The following ANK3 variants were observed in gnomAD, a reference collection of about 807,000 sequenced individuals.
ANK3 encodes ankyrin-3.
In ANK3, 57 loss-of-function variants were observed where a neutral mutation model predicts 370.9. The ratio of observed to expected loss-of-function variants is 0.15; its 90% CI spans 0.12 to 0.19. ANK3 has a LOEUF of 0.19. ANK3 is among the 10% of genes least tolerant of loss of function. The probability of loss-of-function intolerance (pLI) is 1.00; values close to 1 mark genes in which losing one functional copy is unlikely to be tolerated. For missense variants in ANK3, 4,439 were observed against 5,302.1 expected (o/e 0.84, Z 5.06); for synonymous variants, 1,929 against 1,946.3 (o/e 0.99, Z 0.23).
intron 23 of ANK3, among the ~76,000 whole-genome samples, chr10:60,149,062 C>A (rs991192634): frequency 6.6e-6 from 1 of 152,218 alleles, no homozygotes; most frequent in African/African-American, 2.4e-5. Flanking sequence ...CCTTTTCTTT[C>A]CCTTACACCC....
At chr10:60,462,047 A>G (rs1189052649) in intron 2 of ANK3, among the ~76,000 whole-genome samples, 1 of 152,178 alleles carries the variant, frequency 6.6e-6, no homozygotes, top group Non-Finnish European at 1.5e-5. Context: ...AAACTAGAAC[A>G]AAGAAGAGAT....
upstream of ANK3, among the ~76,000 whole-genome samples, chr10:60,390,260 C>T (rs977809658): frequency 6.6e-6 from 1 of 152,146 alleles, no homozygotes; most frequent in African/African-American, 2.4e-5. Context: ...GTGGGGAGGA[C>T]TACAGAAGGG....
At position 60,027,890 on chromosome 10, in the gene ANK3, A is replaced by G. The variant is rs115866436; in HGVS notation, c.*1956T>C. 169 of 152,328 alleles carry G rather than the reference A, an allele frequency of 1.1e-3. No homozygotes were observed. Among genetic ancestry groups the G allele is most frequent in the African/African-American group, 3.8e-3 (157 of 41,576 alleles). The allele number at this position is 152,328 out of a possible 1,614,324, so 9.4% of individuals were successfully genotyped here. On this transcript the variant is annotated 3_prime_UTR_variant, in exon 44 of 44. Coordinates refer to ENST00000280772, the MANE Select transcript of ANK3 (RefSeq NM_020987.5). ...ACCTGTAGACCCCACACCTGGCTGG[A>G]GAGGGCAGGGACAACTTGGCTCTAG...
At chr10:60,650,923 A>G (rs897878968) in intron 1 of ANK3, among the ~76,000 whole-genome samples, 6 of 94,700 alleles carry the variant, frequency 6.3e-5, no homozygotes, top group Non-Finnish European at 1.4e-4. Context: ...CATTCCTACA[A>G]AATTTTAACA....
intron 7 of ANK3, among the ~76,000 whole-genome samples, chr10:60,256,664 T>A (rs1198857276): frequency 6.6e-6 from 1 of 152,198 alleles, no homozygotes; most frequent in Non-Finnish European, 1.5e-5. Context: ...ATTGTTGTCA[T>A]CTTTATGTCC....
chr10:60,682,322 C>T (rs1470775217), intron 1 of ANK3, among the ~76,000 whole-genome samples: 16 of 152,078 alleles, frequency 1.1e-4, no homozygotes, highest in Admixed American at 1.0e-3. Flanking sequence ...CCAAATCGGA[C>T]ATCCTGGGCT....
chr10:60,091,063 C>A (rs1236621812), intron 28 of ANK3, among the ~76,000 whole-genome samples: 2 of 152,188 alleles, frequency 1.3e-5, no homozygotes, highest in East Asian at 3.9e-4. Flanking sequence ...CGCCACCACG[C>A]CCAGCTAATT....
intron 2 of ANK3, among the ~76,000 whole-genome samples, chr10:60,527,077 T>C (rs962844534): frequency 6.6e-6 from 1 of 152,140 alleles, no homozygotes. Flanking sequence ...ACCATTTCCA[T>C]AGCGTGCTAG....
intron 2 of ANK3, 41 bp from the exon 3 acceptor site, chr10:60,279,189 A>G: frequency 6.4e-7 from 1 of 1,570,256 alleles, no homozygotes; most frequent in Non-Finnish European, 8.8e-7. Context: ...AGCAGGTTGA[A>G]AATAGAGCAG....
intron 2 of ANK3, among the ~76,000 whole-genome samples, chr10:60,473,377 A>G (rs986066352): frequency 6.6e-6 from 1 of 152,196 alleles, no homozygotes; most frequent in Non-Finnish European, 1.5e-5. Flanking sequence ...ATATAAATCT[A>G]TTTCCTAATG....
chr10:60,164,954 C>A (rs2095587831), intron 23 of ANK3, among the ~76,000 whole-genome samples: 1 of 152,174 alleles, frequency 6.6e-6, no homozygotes, highest in Non-Finnish European at 1.5e-5. Context: ...TTGCCAATTT[C>A]AAATTCCCAA....
At chr10:60,190,121 A>T (rs1422955344) in intron 16 of ANK3, among the ~76,000 whole-genome samples, 1 of 152,222 alleles carries the variant, frequency 6.6e-6, no homozygotes, top group African/African-American at 2.4e-5. Context: ...CTGAAACCTC[A>T]TCACATTTCT....
chr10:60,304,039 TTACATGAGGAATTGAAAA>T (rs2132815933), intron 1 of ANK3, among the ~76,000 whole-genome samples: 1 of 151,990 alleles, frequency 6.6e-6, no homozygotes, highest in African/African-American at 2.4e-5. Flanking sequence ...ATGATCCCAT[TTACATGAGGAATTGAAAA>T]AAGTCAAGTC....
intron 43 of ANK3, among the ~76,000 whole-genome samples, chr10:60,033,217 G>C (rs1267977629): frequency 6.6e-6 from 1 of 151,832 alleles, no homozygotes; most frequent in Admixed American, 6.6e-5. Context: ...TACGAAAACA[G>C]GGCCACGCAC....
At position 60,086,939 on chromosome 10, in the gene ANK3, A is replaced by G. The variant is rs1589790033; in HGVS notation, c.3541-55T>C. ...AGTGACTTTTTTTTTTTTTTTTCCC[A>G]ATCATGAAGTTTACTTTTTAAGTGA... On this transcript the variant is annotated intron_variant, in intron 29 of 43. Coordinates refer to ENST00000280772, the MANE Select transcript of ANK3 (RefSeq NM_020987.5). 36 of 1,176,096 alleles carry G rather than the reference A, an allele frequency of 3.1e-5. 1 individual carries two copies. In the East Asian group the frequency reaches 9.5e-4, roughly 31 times the overall value. 72.9% of individuals were successfully genotyped at this position (1,176,096 alleles called of 1,614,324 possible). A position where few individuals can be genotyped will look rare whatever the true frequency, so the allele number is the denominator to read the frequency against.
intron 1 of ANK3, among the ~76,000 whole-genome samples, chr10:60,725,543 T>G (rs1489785882): frequency 1.3e-5 from 2 of 152,172 alleles, no homozygotes; most frequent in Non-Finnish European, 2.9e-5. Context: ...CCTCCTTCCC[T>G]CATTTGGCTT....
chr10:60,051,664 C>CTT (rs35764181), intron 42 of ANK3: 2,383 of 151,522 alleles, frequency 0.016, 31 homozygotes, highest in African/African-American at 0.019. Flanking sequence ...ATGTTTTCTT[C>CTT]TTTTTTTTTT....
Position 60,110,101 on chromosome 10 carries a change from A to C in ANK3, c.2949-1047T>G, listed in dbSNP as rs147185771. Among the ~76,000 whole-genome samples, 26 of 152,282 alleles carry C rather than the reference A, an allele frequency of 1.7e-4. 2 individuals are homozygous for C. In the East Asian group the frequency reaches 4.8e-3, roughly 28 times the overall value. The stretch of plus-strand genomic sequence containing the variant: ...AATTAGAAAATTGTCGGAATTCTTA[A>C]AGTGTTTTTAGAAAAAAAAAGTCCC... On this transcript the variant is annotated intron_variant, in intron 26 of 43. Coordinates refer to ENST00000280772, the MANE Select transcript of ANK3 (RefSeq NM_020987.5).
intron 1 of ANK3, among the ~76,000 whole-genome samples, chr10:60,280,529 T>C (rs1305538339): frequency 4.6e-5 from 7 of 152,210 alleles, no homozygotes; most frequent in Non-Finnish European, 1.0e-4. Flanking sequence ...ATTGAACTAC[T>C]GCTAAACTCT....
Sources: gnomAD v4.1 joint callset for allele counts (sites outside exome capture counted in the v4.1 genomes callset) on GRCh38, gnomAD v4.1.1 for gene constraint, MANE v1.5 for transcripts, NCBI Gene and HGNC (gene_info 2026-07-23, HGNC 2026-07-21) for gene names.